The following SHPRH variants were observed in gnomAD, a reference collection of about 807,000 sequenced individuals.
SHPRH encodes the protein E3 ubiquitin-protein ligase SHPRH.
SHPRH carries 106 observed loss-of-function variants against 202.5 expected under a neutral mutation model. The ratio of observed to expected loss-of-function variants is 0.52; its 90% CI spans 0.45 to 0.62. The LOEUF is 0.62. SHPRH is among the 20% of genes least tolerant of loss of function. The pLI, the probability that SHPRH is intolerant of heterozygous loss-of-function variation, is 0.00. For synonymous variants in SHPRH, 729 were observed against 686.0 expected, an observed-to-expected ratio of 1.06 and a Z score of -0.98; for missense variants, 1,710 against 2,020.0, an observed-to-expected ratio of 0.85 and a Z score of 2.94.
At chr6:145,887,912 C>T (rs1360626312) in intron 29 of SHPRH, 108 bp downstream of exon 29, 13 of 816,472 alleles carry the variant, frequency 1.6e-5, no homozygotes, top group East Asian at 5.1e-5. Flanking sequence ...CTTTTAAAAA[C>T]GTATTTGTGC....
At chr6:145,954,655 G>A in intron 2 of SHPRH, 35 bp downstream of exon 2, 3 of 1,532,132 alleles carry the variant, frequency 2.0e-6, no homozygotes, top group Non-Finnish European at 1.7e-6. Flanking sequence ...CAATGTAGAA[G>A]AGCCTCAAAA....
intron 2 of SHPRH, among the ~76,000 whole-genome samples, chr6:145,867,614 A>ATTC (rs1779838991): frequency 1.5e-5 from 1 of 66,670 alleles, no homozygotes; most frequent in African/African-American, 7.2e-5. Context: ...ATATATATAT[A>ATTC]TATATATATA....
At chr6:145,900,195 C>T (rs1468464262) in intron 25 of SHPRH, among the ~76,000 whole-genome samples, 1 of 152,118 alleles carries the variant, frequency 6.6e-6, no homozygotes, top group Non-Finnish European at 1.5e-5. Context: ...GAAGAGATAT[C>T]TGCAATCTCA....
At position 145,894,204 on chromosome 6, in the gene SHPRH, A is replaced by C; in HGVS notation, c.4641T>G (p.Ala1547=). The part of the protein sequence containing the change: ...WQDVLDIISK[A]LTDNNMEFAQ... The stretch of plus-strand genomic sequence containing the variant: ...CAAATTCCATGTTGTTGTCAGTAAG[A>C]GCTTTTGAAATAATATCTAATACAT... Residue 1547 remains alanine, a synonymous_variant, in exon 27 of 30, where the codon GCT becomes GCG. Coordinates refer to ENST00000275233, the MANE Select transcript of SHPRH (RefSeq NM_001042683.3). The C allele has an allele frequency of 1.2e-6, 2 of 1,604,580 alleles. No individual in the cohort carries two copies. Among genetic ancestry groups the C allele is most frequent in the East Asian group, 2.3e-5 (1 of 44,128 alleles).
At chr6:145,959,654 G>C (rs4280983) in intron 1 of SHPRH, among the ~76,000 whole-genome samples, 98,462 of 152,156 alleles carry the variant, frequency 0.65, 32,634 homozygotes, top group African/African-American at 0.78. Flanking sequence ...GCTCAGTAGC[G>C]CTATGTGACT....
At chr6:145,958,037 T>C (rs1190000959) in intron 1 of SHPRH, among the ~76,000 whole-genome samples, 1 of 152,198 alleles carries the variant, frequency 6.6e-6, no homozygotes, top group Non-Finnish European at 1.5e-5. Context: ...TAAAGCATTA[T>C]GCTAAACTGA....
Position 145,945,657 on chromosome 6 carries a change from C to T in SHPRH, c.1322-20G>A, listed in dbSNP as rs1456781307. 11 of 1,563,786 alleles carry T rather than the reference C, an allele frequency of 7.0e-6. No homozygotes were observed. The highest frequency in any genetic ancestry group is 9.5e-6 in the Non-Finnish European group (11 of 1,160,158). ...GTGTAGCTAAATGTAAAAGGATATG[C>T]TAAATCAGTCAAAATAATTAAAATG... On this transcript the variant is annotated intron_variant, in intron 7 of 29. Transcript: ENST00000275233.
chr6:145,859,996 T>C (rs1779529578), downstream of SHPRH, among the ~76,000 whole-genome samples: 2 of 152,086 alleles, frequency 1.3e-5, no homozygotes, highest in African/African-American at 4.8e-5. Context: ...TATATGAATA[T>C]AATTGCCTAT....
At chr6:145,857,953 G>C in the SHPRH span, among the ~76,000 whole-genome samples, 1 of 152,092 alleles carries the variant, frequency 6.6e-6, no homozygotes, top group Non-Finnish European at 1.5e-5. Context: ...TGGCAAAGAA[G>C]CATATGATAT....
At chr6:145,960,187 G>A (rs919403881) in intron 1 of SHPRH, among the ~76,000 whole-genome samples, 1 of 142,936 alleles carries the variant, frequency 7.0e-6, no homozygotes, top group Non-Finnish European at 1.5e-5. Context: ...GATCAGCAAA[G>A]TAACTCAGGA....
intron 2 of SHPRH, among the ~76,000 whole-genome samples, chr6:145,868,521 T>G (rs937637358): frequency 6.6e-6 from 1 of 152,184 alleles, no homozygotes; most frequent in Non-Finnish European, 1.5e-5. Context: ...GAATGTTATT[T>G]TTTATTAGGA....
intron 23 of SHPRH, among the ~76,000 whole-genome samples, chr6:145,915,669 A>T (rs1351961759): frequency 6.6e-6 from 1 of 152,136 alleles, no homozygotes; most frequent in Non-Finnish European, 1.5e-5. Context: ...AGGTGAAAAG[A>T]AAAACATCTC....
chr6:145,913,413 A>C, intron 24 of SHPRH, 65 bp downstream of exon 24: 1 of 1,424,144 alleles, frequency 7.0e-7, no homozygotes. Context: ...GAAAGATTTT[A>C]TGTAGAAACC....
chr6:145,942,144 A>G (rs1451089552), intron 9 of SHPRH, among the ~76,000 whole-genome samples: 1 of 152,210 alleles, frequency 6.6e-6, no homozygotes, highest in Non-Finnish European at 1.5e-5. Context: ...ATCACAGAGG[A>G]GTTAAAACCT....
chr6:145,922,521 A>G, intron 19 of SHPRH, 142 bp downstream of exon 19: 1 of 1,247,470 alleles, frequency 8.0e-7, no homozygotes, highest in Non-Finnish European at 1.1e-6. Context: ...TTTTTCTTTA[A>G]ATTAGATTAA....
chr6:145,900,312 GT>G (rs1359114815), intron 25 of SHPRH, among the ~76,000 whole-genome samples: 2 of 152,116 alleles, frequency 1.3e-5, no homozygotes, highest in Non-Finnish European at 2.9e-5. Flanking sequence ...CACGGAATAT[GT>G]TTTTACCTGA....
At chr6:145,925,898 T>C (rs949980733) in intron 16 of SHPRH, among the ~76,000 whole-genome samples, 1 of 151,958 alleles carries the variant, frequency 6.6e-6, no homozygotes, top group Non-Finnish European at 1.5e-5. Context: ...TTTGTAGATC[T>C]GCCATGAGAT....
rs1281147555 is a variant in SHPRH at position 145,885,561 on chromosome 6, T to TG, written c.*1129dup. ...GAAAAGGAAGCCAAATAAGAACATT[T>TG]GTATTACATCAAATGGCTAGGATGT... On this transcript the variant is annotated 3_prime_UTR_variant, in exon 30 of 30. Coordinates refer to ENST00000275233, the MANE Select transcript of SHPRH (RefSeq NM_001042683.3). 1 of 152,190 alleles carries TG rather than the reference T, an allele frequency of 6.6e-6. No homozygotes were observed. The highest frequency in any genetic ancestry group is 1.5e-5 in the Non-Finnish European group (1 of 68,028). 9.4% of individuals were successfully genotyped at this position (152,190 alleles called of 1,614,324 possible).
chr6:145,910,393 C>T (rs1464151878), intron 25 of SHPRH, 55 bp downstream of exon 25: 3 of 1,567,776 alleles, frequency 1.9e-6, no homozygotes, highest in Non-Finnish European at 2.6e-6. Flanking sequence ...TCAGATACTG[C>T]TTCCTATATT....
Sources: gnomAD v4.1 joint callset for allele counts (sites outside exome capture counted in the v4.1 genomes callset) on GRCh38, gnomAD v4.1.1 for gene constraint, MANE v1.5 for transcripts, NCBI Gene and HGNC (gene_info 2026-07-23, HGNC 2026-07-21) for gene names.